The following LCMT2 variants were observed in gnomAD, a reference collection of about 807,000 sequenced individuals.
LCMT2 encodes tRNA wybutosine-synthesizing protein 4.
LCMT2 carries 34 observed loss-of-function variants against 42.0 expected under a neutral mutation model. That is an observed-to-expected ratio of 0.81 (90% CI 0.62 to 1.08). LCMT2 has a LOEUF of 1.08. Ranked by LOEUF, LCMT2 falls within the 50% of genes least tolerant of loss-of-function variation. The pLI is 0.00. For synonymous variants in LCMT2, 445 were observed against 369.5 expected, an observed-to-expected ratio of 1.20 and a Z score of -2.34; for missense variants, 1,091 against 889.4, an observed-to-expected ratio of 1.23 and a Z score of -2.88.
rs150531339 is a variant in LCMT2 at position 43,329,075 on chromosome 15, T to C, written c.1415A>G (p.Lys472Arg). 3.1e-5 allele frequency: 50 copies of C among 1,614,186 alleles called. No individual in the cohort carries two copies. The African/African-American group carries it at 6.4e-4, about 21-fold the overall frequency. Residue 472 changes from lysine (K) to arginine (R), a missense_variant, in exon 1 of 1, where the codon AAG (lysine) becomes AGG (arginine). By Grantham distance (26) the Lys-to-Arg change is conservative (BLOSUM62 2). Transcript: ENST00000305641. ...LKVTITKAGR[K>R]DDSTLCCWRH... ...CCAACAACACAAAGTGGAATCATCC[T>C]TTCGGCCAGCCTTTGTTATTGTCAC...
rs2043170455 is a variant in LCMT2, at chr15:43,330,286, G to A, written c.204C>T (p.Arg68=). ...VRARAVRHCV[R]AFLEQIGAPQ... The stretch of plus-strand genomic sequence containing the variant: ...GCGCGCCAATCTGCTCCAAAAAAGC[G>A]CGCACGCAGTGCCTCACGGCGCGTG... Residue 68 remains arginine, a synonymous_variant, in exon 1 of 1, where the codon CGC becomes CGT. Transcript: ENST00000305641. The A allele has an allele frequency of 2.5e-6, 4 of 1,594,644 alleles. No homozygotes were observed. Among genetic ancestry groups the A allele is most frequent in the Non-Finnish European group, 3.4e-6 (4 of 1,175,976 alleles).
Position 43,328,679 on chromosome 15 carries a change from A to G in LCMT2, c.1811T>C (p.Ile604Thr). 1.9e-6 allele frequency: 3 copies of G among 1,614,220 alleles called. No homozygotes were observed. The highest frequency in any genetic ancestry group is 2.5e-6 in the Non-Finnish European group (3 of 1,180,042). The change falls in exon 1 of 1, where the codon ATC (isoleucine) becomes ACC (threonine). Residue 604 changes from isoleucine (I) to threonine (T), a missense_variant. Coordinates refer to ENST00000305641, the MANE Select transcript of LCMT2 (RefSeq NM_014793.5). The part of the protein sequence containing the change: ...LNGKLLLVGG[I>T]WIHSSSFPGV... ...AGGAAATGAGGAGGAATGAATCCAG[A>G]TCCCTCCAACCAGTAACAGCTTTCC...
rs2043139334 is a variant in LCMT2, at chr15:43,328,965, TTAGTACAGG to T, written c.1516_1524del (p.Pro506_Leu508del). 6.2e-7 allele frequency: 1 copy of T among 1,613,246 alleles called. No homozygotes were observed. The highest frequency in any genetic ancestry group is 8.5e-7 in the Non-Finnish European group (1 of 1,179,192). ...CCTACATGGAGGAAATGCCAGTCAC[TTAGTACAGG>T]TTCCACCACGCTTCGACCCCCATAC... On this transcript the variant is annotated inframe_deletion, in exon 1 of 1. Coordinates refer to ENST00000305641, the MANE Select transcript of LCMT2 (RefSeq NM_014793.5).
In LCMT2 at chr15:43,329,545, G is replaced by A. The variant is rs1157112943; in HGVS notation, c.945C>T (p.Asp315=). The change falls in exon 1 of 1, where the codon GAC becomes GAT. Residue 315 remains aspartate (D), a synonymous_variant. Coordinates refer to ENST00000305641, the MANE Select transcript of LCMT2 (RefSeq NM_014793.5). ...HYFILAASRG[D]TLSHTLVFPS... The stretch of plus-strand genomic sequence containing the variant: ...GAAACACTAGGGTGTGGGAGAGGGT[G>A]TCTCCCCTAGAAGCTGCCAGAATGA... The A allele has an allele frequency of 6.2e-7, 1 of 1,614,012 alleles. No homozygotes were observed. Among genetic ancestry groups the A allele is most frequent in the Non-Finnish European group, 8.5e-7 (1 of 1,179,990 alleles).
rs1248719702 is a variant in LCMT2, at chr15:43,329,048, C to T, written c.1442G>A (p.Arg481Gln). Residue 481 changes from arginine to glutamine, a missense_variant, in exon 1 of 1, where the codon CGG becomes CAG. By Grantham distance (43) the Arg-to-Gln change is conservative (BLOSUM62 1). Transcript: ENST00000305641. ...ACAGGACACTTCTGTTGTTGAATGC[C>T]GCCAACAACACAAAGTGGAATCATC... ...RKDDSTLCCW[R>Q]HSTTEVSCQN... 1.9e-6 allele frequency: 3 copies of T among 1,614,144 alleles called. No homozygotes were observed. Among genetic ancestry groups the T allele is most frequent in the African/African-American group, 2.7e-5 (2 of 75,038 alleles).
At position 43,329,281 on chromosome 15, in the gene LCMT2, G is replaced by A. The variant is rs1392818628; in HGVS notation, c.1209C>T (p.Ser403=). Residue 403 remains serine, a synonymous_variant, in exon 1 of 1, where the codon AGC becomes AGT. Transcript: ENST00000305641. ...CTCCAGTCCCACAACTGCCTATTTG[G>A]CTGCCTTTCCATTCAGAGTCACAAT... ...SRDCDSEWKG[S]QIGSCGTGVQ... 1.2e-6 allele frequency: 2 copies of A among 1,613,874 alleles called. No individual in the cohort carries two copies. The highest frequency in any genetic ancestry group is 1.3e-5 in the African/African-American group (1 of 74,918).
rs576623189 is a variant in LCMT2, at chr15:43,330,130, C to G, written c.360G>C (p.Arg120=). The G allele has an allele frequency of 1.2e-6, 2 of 1,611,920 alleles. No homozygotes were observed. The highest frequency in any genetic ancestry group is 1.3e-5 in the African/African-American group (1 of 74,930). ...TCTCTCCAATCCTTTCTGCTTTGCG[C>G]CGCGCCACGTCCGGAAAATCCACCT... ...VWEVDFPDVA[R]RKAERIGETP... Residue 120 remains arginine (R), a synonymous_variant, in exon 1 of 1, where the codon CGG becomes CGC. Coordinates refer to ENST00000305641, the MANE Select transcript of LCMT2 (RefSeq NM_014793.5).
In LCMT2 at chr15:43,328,848, T is replaced by A. The variant is rs745926732; in HGVS notation, c.1642A>T (p.Ile548Phe). ...SACTWQGGAL[I>F]AGGLGASEEP... ...TCAGAAGCCCCGAGACCTCCAGCAA[T>A]AAGGGCTCCCCCTTGCCAAGTGCAG... Residue 548 changes from isoleucine (I) to phenylalanine (F), a missense_variant, in exon 1 of 1, where the codon ATT (isoleucine) becomes TTT (phenylalanine). By Grantham distance (21) the Ile-to-Phe change is conservative. Coordinates refer to ENST00000305641, the MANE Select transcript of LCMT2 (RefSeq NM_014793.5). 5.0e-6 allele frequency: 8 copies of A among 1,613,556 alleles called. No homozygotes were observed. The highest frequency in any genetic ancestry group is 1.3e-5 in the African/African-American group (1 of 74,870).
chr15:43,325,747 T>C lies in LCMT2; in HGVS notation c.*2682A>G, dbSNP rs1187981104. ...AGTAATGAAATAATGGCTGATGGCATGATGTAAGCAGCATCATAGTGGAAG... is the reference window on the plus strand; with the variant it reads ...AGTAATGAAATAATGGCTGATGGCACGATGTAAGCAGCATCATAGTGGAAG... On this transcript the variant is annotated 3_prime_UTR_variant, in exon 1 of 1. Coordinates refer to ENST00000305641, the MANE Select transcript of LCMT2 (RefSeq NM_014793.5). 1 of 152,206 alleles carries C rather than the reference T, an allele frequency of 6.6e-6. No individual in the cohort carries two copies. Among genetic ancestry groups the C allele is most frequent in the East Asian group, 1.9e-4 (1 of 5,198 alleles). 9.4% of individuals were successfully genotyped at this position (152,206 alleles called of 1,614,324 possible). A position where few individuals can be genotyped will look rare whatever the true frequency, so the allele number is the denominator to read the frequency against.
chr15:43,328,619 C>A lies in LCMT2; in HGVS notation c.1871G>T (p.Ser624Ile). Residue 624 changes from serine to isoleucine, a missense_variant, in exon 1 of 1, where the codon AGC becomes ATC. Physicochemically the swap from Ser to Ile is moderately radical, Grantham distance 142 (BLOSUM62 -2). Transcript: ENST00000305641. ...VTVINLTTGL[S>I]SEYQIDTTYV... ...TGTTGTGTCAATCTGATACTCAGAG[C>A]TCAATCCTGTAGTCAAATTGATCAC... The A allele has an allele frequency of 6.2e-7, 1 of 1,614,182 alleles. No homozygotes were observed. The highest frequency in any genetic ancestry group is 8.5e-7 in the Non-Finnish European group (1 of 1,180,016).
rs2043117290 is a variant in LCMT2 at position 43,326,156 on chromosome 15, T to G, written c.*2273A>C. 2 of 147,452 alleles carry G rather than the reference T, an allele frequency of 1.4e-5. No homozygotes were observed. The highest frequency in any genetic ancestry group is 4.5e-4 in the South Asian group (2 of 4,470). The allele number at this position is 147,452 out of a possible 1,614,324, so 9.1% of individuals were successfully genotyped here. ...TGCCAGCCTTGGCCTCCCAAAGTGC[T>G]GGGATCAAGGCATGTGCCACTGCGC... On this transcript the variant is annotated 3_prime_UTR_variant, in exon 1 of 1. Coordinates refer to ENST00000305641, the MANE Select transcript of LCMT2 (RefSeq NM_014793.5).
In LCMT2 at chr15:43,329,628, C is replaced by T; in HGVS notation, c.862G>A (p.Glu288Lys). The part of the protein sequence containing the change: ...FLPAEERRRV[E>K]NIEPFDEFEE... ...AATTCGTCAAAGGGTTCAATATTTT[C>T]CACCCGCCGGCGTTCTTCTGCGGGA... The change falls in exon 1 of 1, where the codon GAA becomes AAA. Residue 288 changes from glutamate to lysine, a missense_variant. Transcript: ENST00000305641. 1 of 1,614,084 alleles carries T rather than the reference C, an allele frequency of 6.2e-7. No individual in the cohort carries two copies. Among genetic ancestry groups the T allele is most frequent in the Non-Finnish European group, 8.5e-7 (1 of 1,180,028 alleles).
rs1489093115 is a variant in LCMT2 at position 43,327,721 on chromosome 15, G to A, written c.*708C>T. On this transcript the variant is annotated 3_prime_UTR_variant, in exon 1 of 1. Transcript: ENST00000305641. ...TCAGCCTCTTGGAGCACAGAACAGT[G>A]AAAGGTGGAGAGTATATCTGGAACA... is the stretch of plus-strand genomic sequence containing the variant. 1 of 152,310 alleles carries A rather than the reference G, an allele frequency of 6.6e-6. No individual in the cohort carries two copies. Among genetic ancestry groups the A allele is most frequent in the African/African-American group, 2.4e-5 (1 of 41,450 alleles). The allele number at this position is 152,310 out of a possible 1,614,324, so 9.4% of individuals were successfully genotyped here.
Position 43,326,082 on chromosome 15 carries a change from T to C in LCMT2, c.*2347A>G, listed in dbSNP as rs1280193664. ...TTTTTTTTTTTGGGTAGAGACGGAG[T>C]TTCACCATATTGGCCAGGCTGGTCT... On this transcript the variant is annotated 3_prime_UTR_variant, in exon 1 of 1. Transcript: ENST00000305641. The C allele has an allele frequency of 1.5e-5, 2 of 131,974 alleles. No individual in the cohort carries two copies. The highest frequency in any genetic ancestry group is 3.1e-5 in the Non-Finnish European group (2 of 63,500). The allele number at this position is 131,974 out of a possible 1,614,324, so 8.2% of individuals were successfully genotyped here.
In LCMT2 at chr15:43,329,302, A is replaced by G. The variant is rs1291044454; in HGVS notation, c.1188T>C (p.Cys396=). 3 of 1,613,970 alleles carry G rather than the reference A, an allele frequency of 1.9e-6. No individual in the cohort carries two copies. The highest frequency in any genetic ancestry group is 2.7e-5 in the African/African-American group (2 of 74,942). ...VSQFHLLSRD[C]DSEWKGSQIG... ...TTTGGCTGCCTTTCCATTCAGAGTC[A>G]CAATCTCTTGAGAGCAAGTGAAACT... The change falls in exon 1 of 1, where the codon TGT becomes TGC. Residue 396 remains cysteine (C), a synonymous_variant. Coordinates refer to ENST00000305641, the MANE Select transcript of LCMT2 (RefSeq NM_014793.5).
chr15:43,324,022 G>C lies in LCMT2; in HGVS notation c.*4407C>G, dbSNP rs1318369953. 1 of 152,120 alleles carries C rather than the reference G, an allele frequency of 6.6e-6. No homozygotes were observed. Among genetic ancestry groups the C allele is most frequent in the Non-Finnish European group, 1.5e-5 (1 of 68,028 alleles). The allele number at this position is 152,120 out of a possible 1,614,324, so 9.4% of individuals were successfully genotyped here. On this transcript the variant is annotated 3_prime_UTR_variant, in exon 1 of 1. Transcript: ENST00000305641. ...TCATGTGCTTTCTATCAATGTCCAA[G>C]ACAGATAAGTAAGCAGTCTTGTAAC...
chr15:43,326,101 C>G lies in LCMT2; in HGVS notation c.*2328G>C, dbSNP rs1438473784. ...ACGGAGTTTCACCATATTGGCCAGGCTGGTCTCCAACTCCTGAGTTCAAGT... is the reference window on the plus strand; with the variant it reads ...ACGGAGTTTCACCATATTGGCCAGGGTGGTCTCCAACTCCTGAGTTCAAGT... On this transcript the variant is annotated 3_prime_UTR_variant, in exon 1 of 1. Coordinates refer to ENST00000305641, the MANE Select transcript of LCMT2 (RefSeq NM_014793.5). 1.6e-5 allele frequency: 2 copies of G among 124,874 alleles called. No individual in the cohort carries two copies. The highest frequency in any genetic ancestry group is 2.9e-5 in the African/African-American group (1 of 34,470). 7.7% of individuals were successfully genotyped at this position (124,874 alleles called of 1,614,324 possible).
Position 43,329,409 on chromosome 15 carries a change from C to A in LCMT2, c.1081G>T (p.Ala361Ser), listed in dbSNP as rs1337235237. 5 of 1,614,002 alleles carry A rather than the reference C, an allele frequency of 3.1e-6. No homozygotes were observed. The highest frequency in any genetic ancestry group is 4.5e-5 in the East Asian group (2 of 44,894). The part of the protein sequence containing the change: ...QVPNLKRYGH[A>S]SVFLSPDVIL... Reference sequence around the variant, plus strand: ...ACGTCTGGGCTCAAGAAGACAGAGGCGTGGCCATATCTCTTCAGGTTTGGG... The same window carrying A: ...ACGTCTGGGCTCAAGAAGACAGAGGAGTGGCCATATCTCTTCAGGTTTGGG... Residue 361 changes from alanine to serine, a missense_variant, in exon 1 of 1, where the codon GCC becomes TCC. Ala to Ser is a moderately conservative substitution (Grantham distance 99). Transcript: ENST00000305641.
rs772853644 is a variant in LCMT2, at chr15:43,328,789, T to C, written c.1701A>G (p.Pro567=). 1 of 1,613,542 alleles carries C rather than the reference T, an allele frequency of 6.2e-7. No homozygotes were observed. The highest frequency in any genetic ancestry group is 8.5e-7 in the Non-Finnish European group (1 of 1,180,026). Residue 567 remains proline, a synonymous_variant, in exon 1 of 1, where the codon CCA becomes CCG. Transcript: ENST00000305641. ...ACTCCCAGAGGAATCCACAAGAGAT[T>C]GGTCTCAGAAAGAGCACAGAGTTCA... ...EPLNSVLFLR[P]ISCGFLWESV... is the part of the protein sequence containing the mutation.
Sources: allele counts gnomAD v4.1 joint callset, GRCh38; gene constraint gnomAD v4.1.1; transcripts MANE v1.5; gene names NCBI Gene and HGNC (gene_info 2026-07-23, HGNC 2026-07-21).